The following JMJD1C variants were observed in gnomAD, a reference collection of about 807,000 sequenced individuals.
JMJD1C encodes the protein jumonji domain-containing protein 1C.
In JMJD1C, 31 loss-of-function variants were observed where a neutral mutation model predicts 245.3. The ratio of observed to expected loss-of-function variants is 0.13; its 90% CI spans 0.09 to 0.17. JMJD1C has a LOEUF of 0.17. Ranked by LOEUF, JMJD1C falls within the 10% of genes least tolerant of loss-of-function variation. JMJD1C has a pLI of 1.00. For synonymous variants in JMJD1C, 1,057 were observed against 1,017.4 expected (o/e 1.04, Z -0.74); for missense variants, 2,691 against 3,000.2 (o/e 0.90, Z 2.41).
intron 3 of JMJD1C, among the ~76,000 whole-genome samples, chr10:63,230,748 C>T (rs1326945420): frequency 6.6e-6 from 1 of 151,486 alleles, no homozygotes; most frequent in African/African-American, 2.4e-5. Flanking sequence ...GTACTCCAGC[C>T]TAGGTGACAG....
At chr10:63,394,776 G>A (rs1321201368) in intron 1 of JMJD1C, among the ~76,000 whole-genome samples, 1 of 151,880 alleles carries the variant, frequency 6.6e-6, no homozygotes, top group Non-Finnish European at 1.5e-5. Flanking sequence ...CCTGGGAGGT[G>A]GAGGTTGCAG....
chr10:63,168,080 G>GT lies in JMJD1C; in HGVS notation c.7587dup (p.His2530ThrfsTer4). 1 of 1,604,588 alleles carries GT rather than the reference G, an allele frequency of 6.2e-7. No individual in the cohort carries two copies. Among genetic ancestry groups the GT allele is most frequent in the Non-Finnish European group, 8.5e-7 (1 of 1,172,162 alleles). On this transcript the variant is annotated frameshift_variant, in exon 26 of 26. Transcript: ENST00000399262. LOFTEE classifies it high-confidence loss of function. ...TCCATATCCTCTACTTCATCCTCGT[G>GT]TATCTTCAAGGCTCTCACCATTTCT...
intron 3 of JMJD1C, among the ~76,000 whole-genome samples, chr10:63,260,186 A>C (rs1017365610): frequency 6.6e-6 from 1 of 152,238 alleles, no homozygotes; most frequent in Non-Finnish European, 1.5e-5. Context: ...TTCCGTATCA[A>C]ATCTCTAACG....
chr10:63,373,447 TTTGTC>T (rs1946470983), intron 2 of JMJD1C, among the ~76,000 whole-genome samples: 1 of 152,226 alleles, frequency 6.6e-6, no homozygotes, highest in African/African-American at 2.4e-5. Flanking sequence ...AGGATTTGTT[TTTGTC>T]TTGTCATGAT....
chr10:63,468,998 T>A (rs1394966772), upstream of JMJD1C, among the ~76,000 whole-genome samples: 10 of 152,078 alleles, frequency 6.6e-5, no homozygotes, highest in East Asian at 3.8e-4. Context: ...TTTGTTTTTT[T>A]AAAAAACTGA....
intron 1 of JMJD1C, among the ~76,000 whole-genome samples, chr10:63,414,799 C>T (rs1369097483): frequency 1.3e-5 from 2 of 151,604 alleles, no homozygotes; most frequent in African/African-American, 2.4e-5. Flanking sequence ...CCCAGCTACT[C>T]GGGTGGCTGA....
chr10:63,439,559 T>C (rs1296669558), intron 1 of JMJD1C, among the ~76,000 whole-genome samples: 1 of 152,186 alleles, frequency 6.6e-6, no homozygotes, highest in African/African-American at 2.4e-5. Context: ...CATTTGTTCA[T>C]ACATTTAAGT....
chr10:63,186,679 G>C (rs758814157), intron 18 of JMJD1C, among the ~76,000 whole-genome samples: 6 of 152,176 alleles, frequency 3.9e-5, no homozygotes, highest in Non-Finnish European at 5.9e-5. Context: ...GCGGAGGGTA[G>C]ATGTCCTCTC....
chr10:63,183,070 A>G (rs1843683765), intron 22 of JMJD1C, among the ~76,000 whole-genome samples: 2 of 152,188 alleles, frequency 1.3e-5, no homozygotes, highest in African/African-American at 4.8e-5. Context: ...CATGTTGGTC[A>G]GGCTGGTCTT....
At chr10:63,421,264 G>C (rs1164222214) in intron 1 of JMJD1C, among the ~76,000 whole-genome samples, 1 of 152,208 alleles carries the variant, frequency 6.6e-6, no homozygotes, top group Admixed American at 6.5e-5. Context: ...AATCCGGGAG[G>C]CGGAGGTTGA....
At chr10:63,257,606 A>C (rs1387301093) in intron 3 of JMJD1C, among the ~76,000 whole-genome samples, 3 of 152,238 alleles carry the variant, frequency 2.0e-5, no homozygotes, top group Admixed American at 6.5e-5. Context: ...CAAACAAAGA[A>C]AAATAATTTT....
chr10:63,192,263 A>T (rs950560592), intron 16 of JMJD1C, among the ~76,000 whole-genome samples: 2 of 27,890 alleles, frequency 7.2e-5, no homozygotes, highest in South Asian at 4.1e-3. Context: ...AAAACTAAAA[A>T]AAAAAAAAAA....
intron 1 of JMJD1C, among the ~76,000 whole-genome samples, chr10:63,381,197 T>G (rs1947187176): frequency 2.0e-5 from 3 of 152,172 alleles, no homozygotes; most frequent in Non-Finnish European, 2.9e-5. Context: ...TTCACACTCA[T>G]ATGTGGGAGT....
intron 2 of JMJD1C, among the ~76,000 whole-genome samples, chr10:63,293,444 C>T (rs963075767): frequency 2.0e-5 from 3 of 152,206 alleles, no homozygotes; most frequent in Admixed American, 2.0e-4. Flanking sequence ...TTACCACTTA[C>T]ATTCACTGCT....
intron 1 of JMJD1C, among the ~76,000 whole-genome samples, chr10:63,386,445 C>A (rs1471463477): frequency 6.6e-6 from 1 of 152,242 alleles, no homozygotes; most frequent in Non-Finnish European, 1.5e-5. Context: ...CTGTTGACCA[C>A]AGCCAGTGCC....
intron 1 of JMJD1C, among the ~76,000 whole-genome samples, chr10:63,436,971 A>G (rs896378533): frequency 6.6e-6 from 1 of 152,084 alleles, no homozygotes; most frequent in Non-Finnish European, 1.5e-5. Context: ...ACACCATTTC[A>G]TTGCTATTCA....
intron 1 of JMJD1C, among the ~76,000 whole-genome samples, chr10:63,490,417 A>ATTT (rs113478578): frequency 3.4e-5 from 4 of 118,520 alleles, no homozygotes; most frequent in African/African-American, 3.4e-5. Context: ...TTATTTATTT[A>ATTT]TTTTATTTTT....
At chr10:63,389,463 T>C (rs988515871) in intron 1 of JMJD1C, among the ~76,000 whole-genome samples, 2 of 150,824 alleles carry the variant, frequency 1.3e-5, no homozygotes, top group Admixed American at 6.6e-5. Flanking sequence ...TTCCTTTTTT[T>C]TTTTTCCCAA....
chr10:63,437,659 T>C (rs1388101967), intron 1 of JMJD1C, among the ~76,000 whole-genome samples: 1 of 152,216 alleles, frequency 6.6e-6, no homozygotes, highest in Non-Finnish European at 1.5e-5. Flanking sequence ...CCAAATGCCT[T>C]GTCAATAATC....
Sources: gnomAD v4.1 joint callset for allele counts (sites outside exome capture counted in the v4.1 genomes callset) on GRCh38, gnomAD v4.1.1 for gene constraint, MANE v1.5 for transcripts, NCBI Gene and HGNC (gene_info 2026-07-23, HGNC 2026-07-21) for gene names.